ACBD3: variants seen among roughly 807,000 people sequenced by gnomAD.
ACBD3 encodes the protein Golgi resident protein GCP60.
In ACBD3, 30 loss-of-function variants were observed where a neutral mutation model predicts 66.9. That is an observed-to-expected ratio of 0.45 (90% CI 0.34 to 0.61). The LOEUF is 0.61. Ranked by LOEUF, ACBD3 falls within the 20% of genes least tolerant of loss-of-function variation. The pLI is 0.02. For missense variants in ACBD3, 544 were observed against 664.5 expected, an observed-to-expected ratio of 0.82 and a Z score of 1.99; for synonymous variants, 278 against 259.8, an observed-to-expected ratio of 1.07 and a Z score of -0.68.
chr1:226,186,475 G>T lies in ACBD3; in HGVS notation c.201C>A (p.Gly67=). 6.7e-7 allele frequency: 1 copy of T among 1,492,670 alleles called. No homozygotes were observed. 92.5% of individuals were successfully genotyped at this position (1,492,670 alleles called of 1,614,324 possible). The change falls in exon 1 of 8, where the codon GGC becomes GGA. Residue 67 remains glycine, a synonymous_variant. Transcript: ENST00000366812. ...CCAGCCGCCGCGCCTCCTCCGCCGC[G>T]CCCCCAGCCGCCGCCTCCCCGGGCT... ...QPEPGEAAAG[G]AAEEARRLEQ...
intron 5 of ACBD3, among the ~76,000 whole-genome samples, chr1:226,157,727 A>C (rs1158882100): frequency 6.6e-6 from 1 of 151,692 alleles, no homozygotes; most frequent in Non-Finnish European, 1.5e-5. Flanking sequence ...CTTTTTTAAG[A>C]GATGGGGTCT....
intron 3 of ACBD3, among the ~76,000 whole-genome samples, chr1:226,164,189 A>G (rs1659825748): frequency 6.6e-6 from 1 of 151,658 alleles, no homozygotes; most frequent in Admixed American, 6.6e-5. Flanking sequence ...CATCATTTTC[A>G]TCACCTAAAA....
intron 3 of ACBD3, 114 bp downstream of exon 3, chr1:226,164,675 G>A: frequency 8.3e-7 from 1 of 1,206,216 alleles, no homozygotes; most frequent in Non-Finnish European, 1.1e-6. Context: ...AAGAAATGGG[G>A]ATCCAAGGAA....
intron 6 of ACBD3, 54 bp from the exon 7 acceptor site, chr1:226,152,673 T>C: frequency 3.9e-6 from 6 of 1,519,864 alleles, no homozygotes; most frequent in South Asian, 1.2e-5. Flanking sequence ...ACCCTGCAGG[T>C]AGCCACATTT....
chr1:226,167,672 G>A (rs12402078), intron 1 of ACBD3, among the ~76,000 whole-genome samples: 21,160 of 152,094 alleles, frequency 0.14, 1,668 homozygotes, highest in Middle Eastern at 0.22. Context: ...AAAACGGGGA[G>A]GGCACTTGAA....
At chr1:226,174,632 G>A (rs1230852883) in intron 1 of ACBD3, among the ~76,000 whole-genome samples, 1 of 151,874 alleles carries the variant, frequency 6.6e-6, no homozygotes, top group African/African-American at 2.4e-5. Context: ...GGGAGTGGTG[G>A]TGCACGCCCT....
At chr1:226,159,437 CT>C in intron 4 of ACBD3, 79 bp from the exon 5 acceptor site, 2 of 1,376,276 alleles carry the variant, frequency 1.5e-6, no homozygotes, top group Non-Finnish European at 2.0e-6. Context: ...TTATTACTTA[CT>C]TTTACAGTCT....
Position 226,172,794 on chromosome 1 carries a change from AACAGCTGGGTGTGGTGGCAT to A in ACBD3, c.287-6814_287-6795del, listed in dbSNP as rs1022061223. Reference sequence around the variant, plus strand: ...ACCCCATCTCTACAAAAAACTAAAAAACAGCTGGGTGTGGTGGCATACAGCTGGGTGCGGCGGCATGCGCC... The same window carrying A: ...ACCCCATCTCTACAAAAAACTAAAAAACAGCTGGGTGCGGCGGCATGCGCC... On this transcript the variant is annotated intron_variant, in intron 1 of 7. Coordinates refer to ENST00000366812, the MANE Select transcript of ACBD3 (RefSeq NM_022735.4). Among the ~76,000 whole-genome samples, 8 of 152,114 alleles carry A rather than the reference AACAGCTGGGTGTGGTGGCAT, an allele frequency of 5.3e-5. No homozygotes were observed. The South Asian group carries it at 1.5e-3, about 28-fold the overall frequency.
chr1:226,166,100 TG>T, intron 1 of ACBD3, 100 bp from the exon 2 acceptor site: 1 of 1,301,678 alleles, frequency 7.7e-7, no homozygotes, highest in African/African-American at 1.5e-5. Context: ...TGTCACAAAC[TG>T]CCTGTAATAG....
intron 7 of ACBD3, 70 bp from the exon 8 acceptor site, chr1:226,146,891 ATCCTT>A: frequency 6.9e-7 from 1 of 1,444,904 alleles, no homozygotes; most frequent in Non-Finnish European, 9.7e-7. Flanking sequence ...ATTAAAATCT[ATCCTT>A]TCTTTTTTTT....
chr1:226,166,004 TAAGAAA>T lies in ACBD3; in HGVS notation c.287-10_287-5del, dbSNP rs1357605265. The T allele has an allele frequency of 1.9e-6, 3 of 1,599,542 alleles. No homozygotes were observed. Among genetic ancestry groups the T allele is most frequent in the South Asian group, 2.3e-5 (2 of 87,634 alleles). On this transcript the variant is annotated splice_region_variant and splice_polypyrimidine_tract_variant and intron_variant, in intron 1 of 7. Coordinates refer to ENST00000366812, the MANE Select transcript of ACBD3 (RefSeq NM_022735.4). The stretch of plus-strand genomic sequence containing the variant: ...TGAAATGCTTTGCCATCTTTTTCTA[TAAGAAA>T]AAGAAACACAAAGAAAACAATTAGC...
At position 226,145,625 on chromosome 1, in the gene ACBD3, T is replaced by G. The variant is rs1558121328; in HGVS notation, c.*985A>C. The G allele has an allele frequency of 6.6e-6, 1 of 152,628 alleles. No homozygotes were observed. The highest frequency in any genetic ancestry group is 1.5e-5 in the Non-Finnish European group (1 of 68,018). 9.5% of individuals were successfully genotyped at this position (152,628 alleles called of 1,614,324 possible). A position where few individuals can be genotyped will look rare whatever the true frequency, so the allele number is the denominator to read the frequency against. ...TAAGTAATTCCAAACTGGAATAATGTGGGGTTTGTGACTAAGTAGTAACAA... is the reference window on the plus strand; with the variant it reads ...TAAGTAATTCCAAACTGGAATAATGGGGGGTTTGTGACTAAGTAGTAACAA... On this transcript the variant is annotated 3_prime_UTR_variant, in exon 8 of 8. Transcript: ENST00000366812.
intron 7 of ACBD3, among the ~76,000 whole-genome samples, chr1:226,148,462 A>G (rs4653718): frequency 0.49 from 73,913 of 152,058 alleles, 18,722 homozygotes; most frequent in African/African-American, 0.63. Flanking sequence ...CATGTTTCAC[A>G]TGCAAATGAG....
intron 7 of ACBD3, among the ~76,000 whole-genome samples, chr1:226,149,993 C>T (rs1231637964): frequency 6.6e-6 from 1 of 151,840 alleles, no homozygotes; most frequent in Non-Finnish European, 1.5e-5. Flanking sequence ...CATGAGAAAA[C>T]AGTAGTGCCC....
intron 1 of ACBD3, among the ~76,000 whole-genome samples, chr1:226,174,754 A>T (rs1655990856): frequency 6.6e-6 from 1 of 152,038 alleles, no homozygotes; most frequent in African/African-American, 2.4e-5. Flanking sequence ...TGACAGAGCC[A>T]GACTCCGTCT....
At position 226,152,375 on chromosome 1, in the gene ACBD3, C is replaced by A. The variant is rs1201549159; in HGVS notation, c.1335G>T (p.Val445=). The A allele has an allele frequency of 2.5e-6, 4 of 1,614,206 alleles. No individual in the cohort carries two copies. Among genetic ancestry groups the A allele is most frequent in the Non-Finnish European group, 3.4e-6 (4 of 1,180,044 alleles). ...WTDSPNTAVS[V]HVSESSDDDE... Reference sequence around the variant, plus strand: ...CGTCATCGCTGGACTCACTGACATGCACGCTGACAGCAGTGTTTGGAGAGT... The same window carrying A: ...CGTCATCGCTGGACTCACTGACATGAACGCTGACAGCAGTGTTTGGAGAGT... The change falls in exon 7 of 8, where the codon GTG becomes GTT. Residue 445 remains valine (V), a synonymous_variant. Coordinates refer to ENST00000366812, the MANE Select transcript of ACBD3 (RefSeq NM_022735.4).
rs1659729733 is a variant in ACBD3 at position 226,159,377 on chromosome 1, T to C, written c.729-19A>G. The C allele has an allele frequency of 6.2e-7, 1 of 1,612,020 alleles. No individual in the cohort carries two copies. Among genetic ancestry groups the C allele is most frequent in the Non-Finnish European group, 8.5e-7 (1 of 1,178,272 alleles). Reference sequence around the variant, plus strand: ...CTGCTGCCTAAAAACATTAAAAATATATATACTAGTCTGGCTACAGGAGAT... The same window carrying C: ...CTGCTGCCTAAAAACATTAAAAATACATATACTAGTCTGGCTACAGGAGAT... On this transcript the variant is annotated intron_variant, in intron 4 of 7. Coordinates refer to ENST00000366812, the MANE Select transcript of ACBD3 (RefSeq NM_022735.4).
Position 226,175,348 on chromosome 1 carries a change from G to A in ACBD3, c.287-9348C>T, listed in dbSNP as rs116667006. Among the ~76,000 whole-genome samples the A allele has an allele frequency of 4.5e-3, 686 of 152,214 alleles. 6 individuals are homozygous for A. The highest frequency in any genetic ancestry group is 0.016 in the African/African-American group (657 of 41,548). The stretch of plus-strand genomic sequence containing the variant: ...AACAAAGGAAAATAAGTGATTCAGG[G>A]AAAACAAAATCTAACCACAATAGGA... On this transcript the variant is annotated intron_variant, in intron 1 of 7. Transcript: ENST00000366812.
intron 3 of ACBD3, among the ~76,000 whole-genome samples, chr1:226,162,073 T>C (rs1478736758): frequency 6.6e-6 from 1 of 152,158 alleles, no homozygotes; most frequent in Non-Finnish European, 1.5e-5. Flanking sequence ...GCATTACCCA[T>C]TAAACTAGAT....
Sources: allele counts gnomAD v4.1 joint callset (sites outside exome capture counted in the v4.1 genomes callset), GRCh38; gene constraint gnomAD v4.1.1; transcripts MANE v1.5; gene names NCBI Gene and HGNC (gene_info 2026-07-23, HGNC 2026-07-21).